Variants in TSHR observed in about 807,000 individuals in gnomAD.
TSHR encodes thyroid stimulating hormone receptor.
A neutral mutation model predicts 64.1 loss-of-function variants in TSHR; 51 were observed. The observed-to-expected ratio is 0.80, with a 90% confidence interval of 0.64 to 1.01. TSHR has a LOEUF of 1.01. Ranked by LOEUF, TSHR falls within the 50% of genes least tolerant of loss-of-function variation. The pLI, the probability that TSHR is intolerant of heterozygous loss-of-function variation, is 0.00. For synonymous variants in TSHR, 361 were observed against 361.9 expected, an observed-to-expected ratio of 1.00 and a Z score of 0.03; for missense variants, 877 against 942.8, an observed-to-expected ratio of 0.93 and a Z score of 0.91.
intron 8 of TSHR, among the ~76,000 whole-genome samples, chr14:81,123,594 G>A (rs1206958955): frequency 6.6e-6 from 1 of 152,174 alleles, no homozygotes; most frequent in Non-Finnish European, 1.5e-5. Context: ...CTAAAGAAAA[G>A]AGAATCAGAT....
intron 8 of TSHR, among the ~76,000 whole-genome samples, chr14:81,114,818 C>A (rs562769019): frequency 1.3e-5 from 2 of 152,166 alleles, no homozygotes. Context: ...TCTACCAGCA[C>A]GCAGCTGGAG....
intron 8 of TSHR, among the ~76,000 whole-genome samples, chr14:81,113,465 G>C (rs1042603516): frequency 6.6e-6 from 1 of 152,150 alleles, no homozygotes; most frequent in Non-Finnish European, 1.5e-5. Flanking sequence ...ATATATTTGA[G>C]ACTCTTTGGA....
At chr14:81,023,055 T>C (rs1883857603) in intron 1 of TSHR, among the ~76,000 whole-genome samples, 2 of 149,196 alleles carry the variant, frequency 1.3e-5, no homozygotes, top group Non-Finnish European at 3.0e-5. Flanking sequence ...ATCTTGGGCT[T>C]CCCAGTTTCT....
At chr14:80,998,961 T>G (rs1306493514) in intron 1 of TSHR, among the ~76,000 whole-genome samples, 2 of 152,226 alleles carry the variant, frequency 1.3e-5, no homozygotes, top group African/African-American at 4.8e-5. Flanking sequence ...TCAAGAACAC[T>G]TAAAACTTGA....
rs1424173694 is a variant in TSHR, at chr14:81,103,488, G to C, written c.615-4887G>C. 1.0e-6 allele frequency: 1 copy of C among 985,314 alleles called. No homozygotes were observed. Among genetic ancestry groups the C allele is most frequent in the Non-Finnish European group, 1.2e-6 (1 of 829,938 alleles). The allele number at this position is 985,314 out of a possible 1,614,324, so 61.0% of individuals were successfully genotyped here. A position where few individuals can be genotyped will look rare whatever the true frequency, so the allele number is the denominator to read the frequency against. ...TACACTCATTTTTTAAAATGTAACTGAATAATACAATTACAGCCAAGCTGG... is the reference window on the plus strand; with the variant it reads ...TACACTCATTTTTTAAAATGTAACTCAATAATACAATTACAGCCAAGCTGG... On this transcript the variant is annotated intron_variant, in intron 7 of 9. Transcript: ENST00000298171. This position sits in a 1 kb window ranked among gnomAD's most constrained non-coding sequence, Gnocchi z 4.1.
chr14:81,094,482 T>C (rs1244896287), intron 6 of TSHR, among the ~76,000 whole-genome samples: 1 of 152,128 alleles, frequency 6.6e-6, no homozygotes, highest in Non-Finnish European at 1.5e-5. Flanking sequence ...ATTGTGCTTA[T>C]ATTCCTGGGA....
intron 1 of TSHR, chr14:80,982,767 T>A: frequency 1.6e-6 from 1 of 624,020 alleles, no homozygotes; most frequent in Non-Finnish European, 2.7e-6. Flanking sequence ...ATTCTTTGCC[T>A]GTGGCAACAG....
intron 1 of TSHR, chr14:80,992,730 T>C (rs1888804654): frequency 6.6e-6 from 1 of 152,164 alleles, no homozygotes; most frequent in Admixed American, 6.6e-5. Flanking sequence ...AAGATAAATA[T>C]AAACCCTACA....
In TSHR at chr14:81,011,546, G is replaced by A. The variant is rs1053068531; in HGVS notation, c.171-50602G>A. On this transcript the variant is annotated intron_variant, in intron 1 of 9. Coordinates refer to ENST00000298171, the MANE Select transcript of TSHR (RefSeq NM_000369.5). Reference sequence around the variant, plus strand: ...TTCATTCCCAGTACAATTATGTATCGTGCTTTCTCTTTTCTTTTGCTTGAC... The same window carrying A: ...TTCATTCCCAGTACAATTATGTATCATGCTTTCTCTTTTCTTTTGCTTGAC... 7.3e-5 allele frequency among the ~76,000 whole-genome samples: 11 copies of A among 151,540 alleles called. No homozygotes were observed. The South Asian group carries it at 8.3e-4, about 11-fold the overall frequency.
intron 1 of TSHR, chr14:80,983,023 G>A: frequency 1.9e-6 from 1 of 539,364 alleles, no homozygotes; most frequent in South Asian, 3.2e-5. Flanking sequence ...AGCACAGATT[G>A]CAATGGGTAT....
At chr14:81,095,549 G>A (rs2139995471) in intron 6 of TSHR, 1 of 150,848 alleles carries the variant, frequency 6.6e-6, no homozygotes, top group South Asian at 2.1e-4. Context: ...TTCAGCCTGG[G>A]CAACAGTGCC....
intron 3 of TSHR, chr14:81,087,535 T>C (rs1566804496): frequency 3.7e-6 from 1 of 267,846 alleles, no homozygotes; most frequent in Non-Finnish European, 7.2e-6. Context: ...TCGTTCATCA[T>C]AAAATTCCCT....
chr14:81,091,842 C>G (rs1888761561), intron 5 of TSHR, among the ~76,000 whole-genome samples: 1 of 152,206 alleles, frequency 6.6e-6, no homozygotes, highest in Non-Finnish European at 1.5e-5. Context: ...CACCCATGTG[C>G]CCTTTTTCAA....
chr14:81,049,775 A>G (rs1210836815), intron 1 of TSHR: 2 of 152,198 alleles, frequency 1.3e-5, no homozygotes, highest in Non-Finnish European at 1.5e-5. Context: ...TTCTTGGTAT[A>G]GTGAGTTCTC....
intron 1 of TSHR, among the ~76,000 whole-genome samples, chr14:81,023,129 A>C (rs997452690): frequency 1.3e-5 from 2 of 152,232 alleles, no homozygotes; most frequent in Non-Finnish European, 2.9e-5. Context: ...CTGTTATAGC[A>C]GCCCAATGGC....
intron 1 of TSHR, among the ~76,000 whole-genome samples, chr14:80,999,572 T>G (rs7151098): frequency 0.14 from 20,605 of 152,172 alleles, 1,729 homozygotes; most frequent in East Asian, 0.38. Context: ...GCAATTCACA[T>G]CGATAATTAA....
chr14:81,093,874 A>T (rs1279402188), intron 6 of TSHR: 1 of 152,248 alleles, frequency 6.6e-6, no homozygotes, highest in Non-Finnish European at 1.5e-5. Context: ...TGCGCCATAT[A>T]GTGCTCATCA....
chr14:80,978,373 G>T (rs1221716453), intron 1 of TSHR, among the ~76,000 whole-genome samples: 3 of 152,162 alleles, frequency 2.0e-5, no homozygotes, highest in African/African-American at 7.2e-5. Context: ...AGTACCAACT[G>T]TATCAGTTCA....
rs1477825884 is a variant in TSHR, at chr14:81,052,756, C to G, written c.171-9392C>G. The G allele has an allele frequency of 3.3e-5, 5 of 152,160 alleles. No homozygotes were observed. In the Middle Eastern group the frequency reaches 0.01, roughly 311 times the overall value. 9.4% of individuals were successfully genotyped at this position (152,160 alleles called of 1,614,324 possible). On this transcript the variant is annotated intron_variant, in intron 1 of 9. Transcript: ENST00000298171. ...TTTTCAGTGTATAGGTTCTTCTCCT[C>G]CTTGGTTAAATTTACTCCAGAGTAT...
Sources: allele counts gnomAD v4.1 joint callset (sites outside exome capture counted in the v4.1 genomes callset), GRCh38; gene constraint gnomAD v4.1.1; non-coding constraint Gnocchi (gnomAD v3.1); transcripts MANE v1.5; gene names NCBI Gene and HGNC (gene_info 2026-07-23, HGNC 2026-07-21).